The following NAV3 variants were observed in gnomAD, a reference collection of about 807,000 sequenced individuals.
NAV3 encodes the protein pore membrane and/or filament interacting like protein 1.
NAV3 carries 87 observed loss-of-function variants against 244.7 expected under a neutral mutation model. The ratio of observed to expected loss-of-function variants is 0.36; its 90% CI spans 0.30 to 0.42. The LOEUF is 0.42. NAV3 is among the 20% of genes least tolerant of loss of function. The probability of loss-of-function intolerance (pLI) is 1.00; values close to 1 mark genes in which losing one functional copy is unlikely to be tolerated. For missense variants in NAV3, 2,663 were observed against 2,893.3 expected (o/e 0.92, Z 1.83); for synonymous variants, 1,126 against 1,042.2 (o/e 1.08, Z -1.55).
intron 1 of NAV3, among the ~76,000 whole-genome samples, chr12:77,864,517 T>G (rs954413133): frequency 6.6e-6 from 1 of 151,946 alleles, no homozygotes; most frequent in Non-Finnish European, 1.5e-5. Flanking sequence ...GGAGCTTTGA[T>G]GCAAGGAGGC....
intron 2 of NAV3, among the ~76,000 whole-genome samples, chr12:77,701,505 A>T (rs1875561135): frequency 6.6e-6 from 1 of 151,734 alleles, no homozygotes; most frequent in Admixed American, 6.6e-5. Flanking sequence ...TGTTGTTTTC[A>T]TTTTTATTAT....
intron 29 of NAV3, 81 bp downstream of exon 29, chr12:78,179,763 A>C (rs1399352153): frequency 6.8e-7 from 1 of 1,461,102 alleles, no homozygotes; most frequent in East Asian, 2.4e-5. Flanking sequence ...TTAACACAGA[A>C]TAAATTCCAC....
intron 16 of NAV3, 84 bp downstream of exon 16, chr12:78,122,512 T>C: frequency 1.4e-6 from 2 of 1,471,788 alleles, no homozygotes; most frequent in East Asian, 4.6e-5. Context: ...ATTCCCTTGA[T>C]TTCACTGTGA....
intron 1 of NAV3, among the ~76,000 whole-genome samples, chr12:77,933,134 T>TA (rs1365150091): frequency 2.0e-5 from 3 of 152,214 alleles, no homozygotes; most frequent in Non-Finnish European, 2.9e-5. Flanking sequence ...TTTTTGAAGT[T>TA]AAGTGGGAGC....
chr12:78,179,904 C>T (rs1350550987), intron 29 of NAV3, among the ~76,000 whole-genome samples: 1 of 152,046 alleles, frequency 6.6e-6, no homozygotes, highest in Admixed American at 6.6e-5. Context: ...TATTCAAGAA[C>T]CATTCAGGAT....
chr12:77,811,487 C>G (rs1488423062), intron 2 of NAV3, among the ~76,000 whole-genome samples: 1 of 152,164 alleles, frequency 6.6e-6, no homozygotes, highest in Non-Finnish European at 1.5e-5. Context: ...TTTATCAAAG[C>G]ACTTTTTCAA....
intron 12 of NAV3, among the ~76,000 whole-genome samples, chr12:78,066,820 T>G (rs1885072450): frequency 6.6e-6 from 1 of 152,116 alleles, no homozygotes; most frequent in Non-Finnish European, 1.5e-5. Flanking sequence ...CCAAAAGGCA[T>G]TAAAGATTGT....
chr12:78,107,222 A>G (rs911509872), intron 12 of NAV3, among the ~76,000 whole-genome samples: 5 of 152,336 alleles, frequency 3.3e-5, no homozygotes, highest in Middle Eastern at 3.4e-3. Flanking sequence ...AAAAGAGAAT[A>G]ATCAAATCCT....
chr12:77,960,279 G>A (rs1891766589), intron 3 of NAV3, among the ~76,000 whole-genome samples: 1 of 151,712 alleles, frequency 6.6e-6, no homozygotes, highest in African/African-American at 2.4e-5. Context: ...TTTTTTATTT[G>A]ACTGCTTCAA....
intron 2 of NAV3, among the ~76,000 whole-genome samples, chr12:77,797,650 G>A (rs1003351423): frequency 6.7e-6 from 1 of 150,146 alleles, no homozygotes; most frequent in African/African-American, 2.5e-5. Flanking sequence ...AGACCAGCCT[G>A]GCCAATATGG....
At chr12:77,951,916 C>T (rs774048822) in intron 3 of NAV3, among the ~76,000 whole-genome samples, 1 of 151,700 alleles carries the variant, frequency 6.6e-6, no homozygotes, top group Non-Finnish European at 1.5e-5. Context: ...CAGGGTCTGT[C>T]GTGGGGCAGG....
At chr12:77,919,711 G>A (rs914021118) in intron 1 of NAV3, among the ~76,000 whole-genome samples, 1 of 151,998 alleles carries the variant, frequency 6.6e-6, no homozygotes, top group Non-Finnish European at 1.5e-5. Flanking sequence ...GTTTCCTTAT[G>A]AGAATAGGCA....
chr12:77,990,782 A>G (rs1413433486), intron 5 of NAV3, among the ~76,000 whole-genome samples: 2 of 152,154 alleles, frequency 1.3e-5, no homozygotes, highest in South Asian at 2.1e-4. Context: ...TTAAGTTCTT[A>G]TAAGACTCTA....
At chr12:77,665,209 TTG>T (rs1873663146) in intron 2 of NAV3, among the ~76,000 whole-genome samples, 1 of 152,214 alleles carries the variant, frequency 6.6e-6, no homozygotes, top group South Asian at 2.1e-4. Context: ...GCAAATAAAA[TTG>T]TGTTTACAGT....
At chr12:77,812,796 A>T (rs903499458) in intron 2 of NAV3, among the ~76,000 whole-genome samples, 3 of 151,996 alleles carry the variant, frequency 2.0e-5, no homozygotes, top group Admixed American at 1.3e-4. Context: ...ATTGACACAG[A>T]TATTGTTTAT....
chr12:77,948,683 C>G (rs12825350), intron 3 of NAV3, among the ~76,000 whole-genome samples: 3,251 of 130,140 alleles, frequency 0.025, 83 homozygotes, highest in Non-Finnish European at 0.035. Flanking sequence ...TTCAATTGCC[C>G]CCCCACCACT....
intron 39 of NAV3, among the ~76,000 whole-genome samples, 172 bp downstream of exon 39, chr12:78,205,310 A>T (rs1960177828): frequency 6.6e-6 from 1 of 152,192 alleles, no homozygotes; most frequent in Non-Finnish European, 1.5e-5. Context: ...AGTGAAAACC[A>T]AACTTGTATG....
At chr12:77,904,834 A>G (rs1313525434) in intron 1 of NAV3, among the ~76,000 whole-genome samples, 2 of 152,000 alleles carry the variant, frequency 1.3e-5, no homozygotes, top group Admixed American at 1.3e-4. Flanking sequence ...TGACTTTTTC[A>G]TTACACTTAT....
intron 2 of NAV3, among the ~76,000 whole-genome samples, chr12:77,782,912 A>T (rs1322816386): frequency 6.6e-6 from 1 of 152,156 alleles, no homozygotes; most frequent in Non-Finnish European, 1.5e-5. Flanking sequence ...TGAAAATTGA[A>T]CATATGCTGA....
Sources: allele counts gnomAD v4.1 joint callset (sites outside exome capture counted in the v4.1 genomes callset), GRCh38; gene constraint gnomAD v4.1.1; transcripts MANE v1.5; gene names NCBI Gene and HGNC (gene_info 2026-07-23, HGNC 2026-07-21).